Variants in PPP4R3B observed in about 807,000 individuals in gnomAD.
PPP4R3B encodes protein phosphatase 4 regulatory subunit 3B.
In PPP4R3B, 52 loss-of-function variants were observed where a neutral mutation model predicts 95.4. The ratio of observed to expected loss-of-function variants is 0.54; its 90% CI spans 0.44 to 0.69. PPP4R3B has a LOEUF of 0.69. PPP4R3B is among the 30% of genes least tolerant of loss of function. The pLI is 0.00. For missense variants in PPP4R3B, 1,003 were observed against 1,005.9 expected (o/e 1.00, Z 0.04); for synonymous variants, 407 against 343.9 (o/e 1.18, Z -2.03).
rs202169107 is a variant in PPP4R3B at position 55,589,004 on chromosome 2, T to C, written c.922-48A>G. 7.2e-6 allele frequency: 8 copies of C among 1,104,986 alleles called. No individual in the cohort carries two copies. The East Asian group carries it at 2.0e-4, about 28-fold the overall frequency. The allele number at this position is 1,104,986 out of a possible 1,614,324, so 68.4% of individuals were successfully genotyped here. A position where few individuals can be genotyped will look rare whatever the true frequency, so the allele number is the denominator to read the frequency against. On this transcript the variant is annotated intron_variant, in intron 4 of 16. Transcript: ENST00000616407. The stretch of plus-strand genomic sequence containing the variant: ...ATGAAATATTAACAAAAGAATAAAG[T>C]TATACTCATTTATATGACTTACACA...
In PPP4R3B at chr2:55,617,212, C is replaced by T; in HGVS notation, c.74G>A (p.Gly25Glu). The change falls in exon 1 of 17, where the codon GGG becomes GAG. Residue 25 changes from glycine to glutamate, a missense_variant. Physicochemically the swap from Gly to Glu is moderately conservative, Grantham distance 98 (BLOSUM62 -2). Coordinates refer to ENST00000616407, the MANE Select transcript of PPP4R3B (RefSeq NM_001122964.3). ...CTCCACGTAAGTGGAGGAGACGTGC[C>T]CGGTGCCTCGGTCGTCCCATTGCCG... ...EDRQWDDRGT[G>E]HVSSTYVEEL... 6.2e-7 allele frequency: 1 copy of T among 1,614,056 alleles called. No homozygotes were observed. Among genetic ancestry groups the T allele is most frequent in the Non-Finnish European group, 8.5e-7 (1 of 1,179,952 alleles).
At chr2:55,570,026 CAGATCACG>C (rs1687809259) in intron 12 of PPP4R3B, among the ~76,000 whole-genome samples, 1 of 152,094 alleles carries the variant, frequency 6.6e-6, no homozygotes, top group African/African-American at 2.4e-5. Context: ...CTGAGGCAGG[CAGATCACG>C]AGATCAGGAG....
At chr2:55,570,437 GA>G (rs1687861124) in intron 12 of PPP4R3B, among the ~76,000 whole-genome samples, 1 of 152,142 alleles carries the variant, frequency 6.6e-6, no homozygotes, top group South Asian at 2.1e-4. Context: ...TTAGGACACT[GA>G]AAAGAAATCT....
At chr2:55,589,711 C>T (rs144874800) in intron 4 of PPP4R3B, among the ~76,000 whole-genome samples, 5,648 of 150,856 alleles carry the variant, frequency 0.037, 144 homozygotes, top group South Asian at 0.09. Flanking sequence ...GTCATGAGAT[C>T]GAGACCACCC....
rs1221234154 is a variant in PPP4R3B, at chr2:55,598,647, A to G, written c.690T>C (p.Pro230=). The G allele has an allele frequency of 6.2e-7, 1 of 1,614,194 alleles. No individual in the cohort carries two copies. The highest frequency in any genetic ancestry group is 1.1e-5 in the South Asian group (1 of 91,086). ...TATGTCTTTTTGGCTGAGCCAAAGC[A>G]GGGTCATATTCAAGGCATCCCACGA... is the stretch of plus-strand genomic sequence containing the variant. ...MDVVGCLEYD[P]ALAQPKRHRE... Residue 230 remains proline, a synonymous_variant, in exon 4 of 17, where the codon CCT becomes CCC. Coordinates refer to ENST00000616407, the MANE Select transcript of PPP4R3B (RefSeq NM_001122964.3).
Position 55,588,972 on chromosome 2 carries a change from A to T in PPP4R3B, c.922-16T>A. Reference sequence around the variant, plus strand: ...TCTCATCTTCCTGCATGAGAAAAATAATTACTATGAAATATTAACAAAAGA... The same window carrying T: ...TCTCATCTTCCTGCATGAGAAAAATTATTACTATGAAATATTAACAAAAGA... On this transcript the variant is annotated splice_polypyrimidine_tract_variant and intron_variant, in intron 4 of 16. Transcript: ENST00000616407. 1 of 1,477,086 alleles carries T rather than the reference A, an allele frequency of 6.8e-7. No homozygotes were observed. The highest frequency in any genetic ancestry group is 1.2e-5 in the South Asian group (1 of 86,326). 91.5% of individuals were successfully genotyped at this position (1,477,086 alleles called of 1,614,324 possible).
At chr2:55,591,734 T>C (rs952027522) in intron 4 of PPP4R3B, 30 of 802,632 alleles carry the variant, frequency 3.7e-5, no homozygotes, top group African/African-American at 3.7e-5. Context: ...TCTCAATTAT[T>C]ACAGTCCATT....
intron 4 of PPP4R3B, among the ~76,000 whole-genome samples, chr2:55,595,927 T>C (rs993641046): frequency 2.0e-5 from 3 of 152,172 alleles, no homozygotes; most frequent in African/African-American, 7.2e-5. Flanking sequence ...AAAGCAGTTA[T>C]GCAGAAAGCT....
intron 2 of PPP4R3B, among the ~76,000 whole-genome samples, chr2:55,610,986 T>C (rs1349537705): frequency 6.6e-6 from 1 of 151,284 alleles, no homozygotes; most frequent in Non-Finnish European, 1.5e-5. Flanking sequence ...CCACCTCAGA[T>C]TCCCAAGCAG....
At chr2:55,594,821 C>T (rs1691539163) in intron 4 of PPP4R3B, among the ~76,000 whole-genome samples, 1 of 152,122 alleles carries the variant, frequency 6.6e-6, no homozygotes. Context: ...ATATGTACAT[C>T]TAACCTCCCC....
intron 10 of PPP4R3B, among the ~76,000 whole-genome samples, 169 bp downstream of exon 10, chr2:55,578,078 T>A (rs1167249672): frequency 6.6e-6 from 1 of 152,024 alleles, no homozygotes. Context: ...TGAACAGGTA[T>A]CAATACGAAT....
At chr2:55,576,285 T>C (rs1688649295) in intron 11 of PPP4R3B, among the ~76,000 whole-genome samples, 1 of 151,450 alleles carries the variant, frequency 6.6e-6, no homozygotes, top group Non-Finnish European at 1.5e-5. Flanking sequence ...AAGGTGGAGG[T>C]TGCAGTGAGC....
At chr2:55,577,874 T>A (rs778001608) in intron 10 of PPP4R3B, among the ~76,000 whole-genome samples, 1 of 151,980 alleles carries the variant, frequency 6.6e-6, no homozygotes, top group Non-Finnish European at 1.5e-5. Context: ...TAGGAATACA[T>A]TCTAGAGCAC....
At chr2:55,588,058 T>C (rs748283311) in intron 5 of PPP4R3B, among the ~76,000 whole-genome samples, 6 of 152,068 alleles carry the variant, frequency 3.9e-5, no homozygotes, top group Non-Finnish European at 7.4e-5. Flanking sequence ...TTGAAAAAAA[T>C]GTCAAACATC....
chr2:55,570,364 C>A (rs929769576), intron 12 of PPP4R3B, among the ~76,000 whole-genome samples: 1 of 152,200 alleles, frequency 6.6e-6, no homozygotes, highest in Non-Finnish European at 1.5e-5. Context: ...TGTGGCAGAT[C>A]AGAATGTATT....
chr2:55,574,466 T>C (rs1688390778), intron 11 of PPP4R3B, among the ~76,000 whole-genome samples: 1 of 152,118 alleles, frequency 6.6e-6, no homozygotes, highest in Non-Finnish European at 1.5e-5. Context: ...TAAAAAATAC[T>C]TAAAACTTTT....
chr2:55,601,585 T>C (rs528769437), intron 3 of PPP4R3B, among the ~76,000 whole-genome samples: 1 of 152,094 alleles, frequency 6.6e-6, no homozygotes, highest in Non-Finnish European at 1.5e-5. Context: ...TTTCACTGTG[T>C]TAGCCAGGAT....
At chr2:55,572,251 A>G (rs1023161342) in intron 12 of PPP4R3B, among the ~76,000 whole-genome samples, 3 of 152,238 alleles carry the variant, frequency 2.0e-5, no homozygotes, top group Non-Finnish European at 4.4e-5. Context: ...CAAAAAACCC[A>G]AAAGTCATAA....
chr2:55,600,095 T>C (rs1692335209), intron 3 of PPP4R3B, among the ~76,000 whole-genome samples: 3 of 152,352 alleles, frequency 2.0e-5, no homozygotes, highest in South Asian at 4.1e-4. Context: ...CTCTGAACTA[T>C]CTGAACCATC....
Sources: allele counts gnomAD v4.1 joint callset (sites outside exome capture counted in the v4.1 genomes callset), GRCh38; gene constraint gnomAD v4.1.1; transcripts MANE v1.5; gene names NCBI Gene and HGNC (gene_info 2026-07-23, HGNC 2026-07-21).